Variants in PDE1A observed in about 807,000 individuals in gnomAD.
PDE1A encodes the protein dual specificity calcium/calmodulin-dependent 3',5'-cyclic nucleotide phosphodiesterase 1A.
Under a neutral mutation model 61.7 loss-of-function variants are expected in PDE1A, and 35 were observed. The observed-to-expected ratio is 0.57, with a 90% CI of 0.43 to 0.75. PDE1A has a LOEUF of 0.75. PDE1A is among the 30% of genes least tolerant of loss of function. PDE1A has a pLI of 0.00. For missense variants in PDE1A, 597 were observed against 630.6 expected, an observed-to-expected ratio of 0.95 and a Z score of 0.57; for synonymous variants, 232 against 213.2, an observed-to-expected ratio of 1.09 and a Z score of -0.77.
At chr2:182,478,699 T>G (rs1187101116) in intron 2 of PDE1A, among the ~76,000 whole-genome samples, 1 of 151,922 alleles carries the variant, frequency 6.6e-6, no homozygotes, top group Non-Finnish European at 1.5e-5. Flanking sequence ...CTCCAAAATT[T>G]TGTGCAATTT....
At chr2:182,691,754 T>C in the PDE1A span, among the ~76,000 whole-genome samples, 1 of 151,832 alleles carries the variant, frequency 6.6e-6, no homozygotes, top group East Asian at 1.9e-4. Context: ...ACCTACAGAA[T>C]GGGAGAAAAT....
intron 13 of PDE1A, among the ~76,000 whole-genome samples, chr2:182,176,522 TG>T (rs1415799772): frequency 7.1e-6 from 1 of 141,828 alleles, no homozygotes; most frequent in East Asian, 2.0e-4. Context: ...TTGTGATTTT[TG>T]TACATTGATT....
At chr2:182,514,922 T>C (rs943671048) in intron 2 of PDE1A, among the ~76,000 whole-genome samples, 3 of 152,216 alleles carry the variant, frequency 2.0e-5, no homozygotes, top group African/African-American at 4.8e-5. Context: ...GAAGGTTAAG[T>C]TGAATTCACA....
At chr2:182,178,098 G>T (rs1472623510) in intron 13 of PDE1A, among the ~76,000 whole-genome samples, 1 of 152,034 alleles carries the variant, frequency 6.6e-6, no homozygotes, top group African/African-American at 2.4e-5. Flanking sequence ...GTTTCTACTT[G>T]TTTGTTATAA....
At chr2:182,337,996 CATTTTTT>C (rs1388707890) in intron 1 of PDE1A, among the ~76,000 whole-genome samples, 1 of 152,182 alleles carries the variant, frequency 6.6e-6, no homozygotes, top group African/African-American at 2.4e-5. Flanking sequence ...CTGGATCCTC[CATTTTTT>C]AAATGTCCTT....
chr2:182,700,971 T>TAA, the PDE1A span, among the ~76,000 whole-genome samples: 2 of 151,808 alleles, frequency 1.3e-5, no homozygotes, highest in African/African-American at 4.8e-5. Context: ...AGTTTTCATT[T>TAA]AAAAAAAATC....
intron 2 of PDE1A, among the ~76,000 whole-genome samples, chr2:182,259,442 C>T (rs973542245): frequency 5.3e-5 from 8 of 152,076 alleles, no homozygotes; most frequent in South Asian, 2.1e-4. Flanking sequence ...TTTACTCATA[C>T]GTAATAAATA....
At chr2:182,558,944 C>T in the PDE1A span, among the ~76,000 whole-genome samples, 3 of 152,156 alleles carry the variant, frequency 2.0e-5, no homozygotes, top group South Asian at 2.1e-4. Context: ...TTTTTCTCCT[C>T]CTTGCCAGGA....
At chr2:182,351,739 C>T (rs1031891087) in intron 1 of PDE1A, among the ~76,000 whole-genome samples, 4 of 152,176 alleles carry the variant, frequency 2.6e-5, no homozygotes, top group African/African-American at 9.6e-5. Context: ...AGCCAACACT[C>T]TATCATCCCT....
chr2:182,258,942 C>T (rs190233364), intron 2 of PDE1A, among the ~76,000 whole-genome samples: 10 of 152,262 alleles, frequency 6.6e-5, no homozygotes, highest in Admixed American at 3.3e-4. Flanking sequence ...CTTCACAATT[C>T]TAGACCCAGT....
chr2:182,201,364 C>A, intron 10 of PDE1A, 75 bp downstream of exon 10: 1 of 1,535,786 alleles, frequency 6.5e-7, no homozygotes, highest in Non-Finnish European at 8.8e-7. Context: ...CCCTGGATTC[C>A]ATACAGAAAA....
At chr2:182,535,265 T>G in the PDE1A span, among the ~76,000 whole-genome samples, 2 of 152,068 alleles carry the variant, frequency 1.3e-5, no homozygotes, top group Non-Finnish European at 2.9e-5. Flanking sequence ...CACATTAATA[T>G]TACATTCATT....
At chr2:182,567,798 CTTT>C in the PDE1A span, among the ~76,000 whole-genome samples, 2 of 126,656 alleles carry the variant, frequency 1.6e-5, no homozygotes, top group African/African-American at 5.8e-5. Flanking sequence ...TTTCTTTTTT[CTTT>C]TTTTTTTTTG....
chr2:182,256,741 T>TA (rs1424011352), intron 2 of PDE1A, among the ~76,000 whole-genome samples: 10 of 152,212 alleles, frequency 6.6e-5, no homozygotes. Flanking sequence ...CTTGTCATGC[T>TA]AAATACGTTT....
At chr2:182,385,599 A>G (rs1485569507) in intron 1 of PDE1A, among the ~76,000 whole-genome samples, 1 of 148,190 alleles carries the variant, frequency 6.7e-6, no homozygotes, top group Non-Finnish European at 1.5e-5. Context: ...CATTAAAGAA[A>G]AATGCTTAGA....
chr2:182,465,543 A>C (rs971441168), intron 2 of PDE1A, among the ~76,000 whole-genome samples: 3 of 152,120 alleles, frequency 2.0e-5, no homozygotes, highest in African/African-American at 7.2e-5. Flanking sequence ...TTGGTTTAGA[A>C]AGCATTTATT....
At chr2:182,159,812 G>A (rs982210160) in intron 13 of PDE1A, among the ~76,000 whole-genome samples, 3 of 152,150 alleles carry the variant, frequency 2.0e-5, no homozygotes, top group Non-Finnish European at 4.4e-5. Context: ...ATTTAGCCAG[G>A]CATGGTAGTG....
At chr2:182,297,747 G>A (rs1024473411) in intron 1 of PDE1A, among the ~76,000 whole-genome samples, 1 of 152,134 alleles carries the variant, frequency 6.6e-6, no homozygotes, top group Admixed American at 6.5e-5. Context: ...AGCCCACTCT[G>A]CCTATGCATG....
At chr2:182,221,795 C>T (rs1166106185) in intron 7 of PDE1A, among the ~76,000 whole-genome samples, 1 of 151,920 alleles carries the variant, frequency 6.6e-6, no homozygotes, top group Non-Finnish European at 1.5e-5. Context: ...AGTGAGTGTC[C>T]CTTTTCTCAC....
Sources: gnomAD v4.1 joint callset for allele counts (sites outside exome capture counted in the v4.1 genomes callset) on GRCh38, gnomAD v4.1.1 for gene constraint, MANE v1.5 for transcripts, NCBI Gene and HGNC (gene_info 2026-07-23, HGNC 2026-07-21) for gene names.